Variants in CTNNA3 observed in about 807,000 individuals in gnomAD.
The protein encoded by CTNNA3 is catenin alpha 3.
CTNNA3 carries 76 observed loss-of-function variants against 95.7 expected under a neutral mutation model. That is an observed-to-expected ratio of 0.79 (90% CI 0.66 to 0.96). The LOEUF is 0.96. Ranked by LOEUF, CTNNA3 falls within the 40% of genes least tolerant of loss-of-function variation. The pLI is 0.00. For synonymous variants in CTNNA3, 431 were observed against 374.4 expected, an observed-to-expected ratio of 1.15 and a Z score of -1.74; for missense variants, 1,191 against 1,089.8, an observed-to-expected ratio of 1.09 and a Z score of -1.31.
chr10:66,246,275 G>A (rs1341446575), intron 13 of CTNNA3, among the ~76,000 whole-genome samples: 1 of 152,104 alleles, frequency 6.6e-6, no homozygotes, highest in Non-Finnish European at 1.5e-5. Flanking sequence ...GTGCAGGGAT[G>A]TCTAAGTCTG....
At chr10:66,259,613 T>TTCAAACCCTAGATACCTAGC (rs1308886981) in intron 13 of CTNNA3, among the ~76,000 whole-genome samples, 1 of 152,142 alleles carries the variant, frequency 6.6e-6, no homozygotes, top group Non-Finnish European at 1.5e-5. Context: ...CTCAGTCTAC[T>TTCAAACCCTAGATACCTAGC]TCAAACCCTA....
intron 9 of CTNNA3, among the ~76,000 whole-genome samples, chr10:66,759,199 C>A (rs1839498376): frequency 6.6e-6 from 1 of 152,042 alleles, no homozygotes; most frequent in South Asian, 2.1e-4. Flanking sequence ...TTGAAAAAAA[C>A]ATTTAGAGAA....
chr10:67,254,379 T>G (rs1190925021), intron 5 of CTNNA3, among the ~76,000 whole-genome samples: 3 of 152,170 alleles, frequency 2.0e-5, no homozygotes, highest in East Asian at 3.8e-4. Flanking sequence ...ATGGTAAGGT[T>G]CAAGGTATTT....
chr10:66,469,987 T>G (rs72791567), intron 11 of CTNNA3, among the ~76,000 whole-genome samples: 13 of 151,886 alleles, frequency 8.6e-5, no homozygotes, highest in Non-Finnish European at 1.3e-4. Flanking sequence ...AAATTTTGTT[T>G]AAGTGAGGGA....
chr10:66,403,639 C>T (rs116667264), intron 11 of CTNNA3, among the ~76,000 whole-genome samples: 2,770 of 152,200 alleles, frequency 0.018, 77 homozygotes, highest in African/African-American at 0.064. Flanking sequence ...GGAGACGAGC[C>T]AAACCATATC....
intron 13 of CTNNA3, among the ~76,000 whole-genome samples, chr10:66,225,274 C>T (rs1292300573): frequency 2.0e-5 from 3 of 151,490 alleles, no homozygotes; most frequent in African/African-American, 7.3e-5. Context: ...TTAGCTCCCA[C>T]ATGAGTGAGA....
Position 66,416,687 on chromosome 10 carries a change from G to A in CTNNA3, c.1532-37335C>T, listed in dbSNP as rs751599736. On this transcript the variant is annotated intron_variant, in intron 11 of 17. Transcript: ENST00000433211. ...CAAAATGCTGAAAGAAAAACTGCAA[G>A]CTAAGATACTATATCTAACAAAATT... Among the ~76,000 whole-genome samples, 13 of 151,886 alleles carry A rather than the reference G, an allele frequency of 8.6e-5. 1 individual carries two copies. The highest frequency in any genetic ancestry group is 1.5e-4 in the Non-Finnish European group (10 of 67,886).
At chr10:65,994,161 T>G (rs1413494993) in intron 15 of CTNNA3, among the ~76,000 whole-genome samples, 2 of 152,224 alleles carry the variant, frequency 1.3e-5, no homozygotes, top group Non-Finnish European at 2.9e-5. Flanking sequence ...TTCTTATTGT[T>G]TATCATTATG....
chr10:67,412,018 T>C, intron 5 of CTNNA3, among the ~76,000 whole-genome samples: 1 of 152,144 alleles, frequency 6.6e-6, no homozygotes, highest in African/African-American at 2.4e-5. Flanking sequence ...ATTATTTCTG[T>C]AATTAATTTC....
chr10:67,418,142 C>T (rs558627642), intron 5 of CTNNA3, among the ~76,000 whole-genome samples: 4 of 152,216 alleles, frequency 2.6e-5, no homozygotes, highest in South Asian at 4.1e-4. Flanking sequence ...AATGAAATAA[C>T]GTCTTTTATT....
chr10:66,924,942 C>T (rs536571296), intron 7 of CTNNA3, among the ~76,000 whole-genome samples: 54 of 152,254 alleles, frequency 3.5e-4, no homozygotes, highest in African/African-American at 1.2e-3. Flanking sequence ...CTGTTAATCA[C>T]TAAACTACGC....
rs73264232 is a variant in CTNNA3 at position 67,217,210 on chromosome 10, A to G, written c.843+2397T>C. 6.1e-3 allele frequency among the ~76,000 whole-genome samples: 930 copies of G among 152,330 alleles called. 5 individuals carry two copies. Among genetic ancestry groups the G allele is most frequent in the South Asian group, 0.019 (91 of 4,830 alleles). ...ATATTTGCAGGAGCAAAATAGAGCA[A>G]AGGTTATTTTGGATCCTTTACCAAT... On this transcript the variant is annotated intron_variant, in intron 6 of 17. Transcript: ENST00000433211.
chr10:67,733,302 T>A (rs1841286351), intron 1 of CTNNA3, among the ~76,000 whole-genome samples: 1 of 152,148 alleles, frequency 6.6e-6, no homozygotes, highest in Non-Finnish European at 1.5e-5. Context: ...GTTCATAAGG[T>A]TTGGTTTTGC....
At chr10:67,037,473 A>G (rs1232465818) in intron 7 of CTNNA3, among the ~76,000 whole-genome samples, 1 of 152,120 alleles carries the variant, frequency 6.6e-6, no homozygotes, top group African/African-American at 2.4e-5. Flanking sequence ...TCTTTTCTTT[A>G]GCTTTTAGGT....
chr10:66,348,523 T>G (rs966202345), intron 12 of CTNNA3, among the ~76,000 whole-genome samples: 1 of 152,128 alleles, frequency 6.6e-6, no homozygotes, highest in Non-Finnish European at 1.5e-5. Context: ...GGTTGAATCA[T>G]ATGAAATTAT....
intron 2 of CTNNA3, among the ~76,000 whole-genome samples, chr10:67,626,824 T>C (rs1203013044): frequency 1.3e-5 from 2 of 152,230 alleles, no homozygotes; most frequent in African/African-American, 4.8e-5. Context: ...ATCTACATGA[T>C]ATCAAATTGA....
chr10:67,739,408 C>T, intron 1 of CTNNA3, among the ~76,000 whole-genome samples: 1 of 152,020 alleles, frequency 6.6e-6, no homozygotes, highest in Non-Finnish European at 1.5e-5. Flanking sequence ...CTAGAAAACC[C>T]CATTGTCTCA....
intron 7 of CTNNA3, among the ~76,000 whole-genome samples, chr10:66,980,268 CTT>C (rs1850337960): frequency 6.6e-6 from 1 of 152,160 alleles, no homozygotes; most frequent in South Asian, 2.1e-4. Flanking sequence ...TTCCTTGTCT[CTT>C]CTCCTAAGCC....
intron 13 of CTNNA3, among the ~76,000 whole-genome samples, chr10:66,258,851 G>A (rs188760001): frequency 8.5e-5 from 13 of 152,182 alleles, no homozygotes; most frequent in South Asian, 2.1e-4. Flanking sequence ...GAGTCTGTGC[G>A]TTCATCAATA....
Sources: allele counts gnomAD v4.1 joint callset (sites outside exome capture counted in the v4.1 genomes callset), GRCh38; gene constraint gnomAD v4.1.1; transcripts MANE v1.5; gene names NCBI Gene and HGNC (gene_info 2026-07-23, HGNC 2026-07-21).